SMIM27: variants seen among roughly 807,000 people sequenced by gnomAD.
SMIM27 encodes TOPORS antisense RNA 1 (non-protein coding).
SMIM27 carries 3 observed loss-of-function variants against 1.8 expected under a neutral mutation model. That is an observed-to-expected ratio of 1.65 (90% CI 0.75 to 4.28). The LOEUF (loss-of-function observed/expected upper bound fraction) is 4.28. Among genes scored for constraint, SMIM27 ranks in the 30% most tolerant of loss-of-function variants. The pLI is 0.02. For missense variants in SMIM27, 63 were observed against 37.0 expected (o/e 1.70, Z -1.83); for synonymous variants, 19 against 13.9 (o/e 1.37, Z -0.82).
downstream of SMIM27, among the ~76,000 whole-genome samples, chr9:32,554,259 AAG>A (rs1195851350): frequency 6.6e-6 from 1 of 152,238 alleles, no homozygotes; most frequent in Non-Finnish European, 1.5e-5. Context: ...AGGCCCCAGA[AAG>A]AAGTTGCAAG....
intron 1 of SMIM27, among the ~76,000 whole-genome samples, chr9:32,558,079 T>A (rs1382850123): frequency 1.3e-5 from 2 of 152,072 alleles, no homozygotes; most frequent in Non-Finnish European, 2.9e-5. Flanking sequence ...AATAACTCAT[T>A]TCAAATTAGT....
In SMIM27 at chr9:32,552,826, C is replaced by T. The variant is rs1373943451; in HGVS notation, c.71C>T (p.Ser24Phe). The T allele has an allele frequency of 1.4e-6, 1 of 702,684 alleles. No individual in the cohort carries two copies. The highest frequency in any genetic ancestry group is 2.6e-6 in the Non-Finnish European group (1 of 384,812). 43.5% of individuals were successfully genotyped at this position (702,684 alleles called of 1,614,324 possible). Residue 24 changes from serine to phenylalanine, a missense_variant, in exon 2 of 2, where the codon TCC becomes TTC. Ser to Phe is a radical substitution (Grantham distance 155). Transcript: ENST00000692500. Reference sequence around the variant, plus strand: ...TTGCTGCTTGCCATCGTTTTAATCTCCTGGGGCTGCATCATCTATGCTTCG... The same window carrying T: ...TTGCTGCTTGCCATCGTTTTAATCTTCTGGGGCTGCATCATCTATGCTTCG... The part of the protein sequence containing the change: ...SVLLLAIVLI[S>F]WGCIIYASMV...
chr9:32,562,152 T>C (rs1039387775), intron 1 of SMIM27, among the ~76,000 whole-genome samples: 1 of 152,194 alleles, frequency 6.6e-6, no homozygotes, highest in Non-Finnish European at 1.5e-5. Context: ...ACTGACTCCA[T>C]ATGTTTGCTT....
chr9:32,551,832 T>C, upstream of SMIM27: 1 of 450,746 alleles, frequency 2.2e-6, no homozygotes, highest in Non-Finnish European at 4.5e-6. Context: ...GTATTTCTTC[T>C]TAGAGATATA....
At chr9:32,553,070 G>T (rs1331536575), downstream of SMIM27, 3 of 517,908 alleles carry the variant, frequency 5.8e-6, no homozygotes, top group Non-Finnish European at 1.0e-5. Flanking sequence ...TTCACTTAGA[G>T]ATTTTAGTAT....
chr9:32,566,773 C>T (rs547419995), exon 2 of SMIM27: 11 of 908,584 alleles, frequency 1.2e-5, no homozygotes, highest in African/African-American at 9.8e-5. Context: ...TCGGCTGCGA[C>T]GTTCTGGCTG....
intron 1 of SMIM27, among the ~76,000 whole-genome samples, chr9:32,561,476 T>G (rs555892430): frequency 1.4e-4 from 22 of 152,144 alleles, no homozygotes; most frequent in African/African-American, 5.1e-4. Context: ...TACAGGCACA[T>G]GCCACCAAGC....
downstream of SMIM27, chr9:32,554,014 A>G: frequency 2.1e-6 from 2 of 975,568 alleles, no homozygotes; most frequent in Non-Finnish European, 3.1e-6. Context: ...ATTCTGTTCT[A>G]TGTTCATCAG....
At chr9:32,566,821 G>A (rs899372416) in exon 2 of SMIM27, 1 of 881,478 alleles carries the variant, frequency 1.1e-6, no homozygotes, top group Non-Finnish European at 1.9e-6. Context: ...CTCTGCCTCT[G>A]TGGGGGCCTG....
At chr9:32,566,785 C>T (rs1821804583) in exon 2 of SMIM27, 6 of 915,396 alleles carry the variant, frequency 6.6e-6, no homozygotes, top group Admixed American at 1.7e-5. Context: ...TTCTGGCTGA[C>T]GTTGTACAGG....
At chr9:32,559,116 C>T (rs10813835) in intron 1 of SMIM27, among the ~76,000 whole-genome samples, 79,902 of 151,992 alleles carry the variant, frequency 0.53, 21,603 homozygotes, top group Middle Eastern at 0.67. Flanking sequence ...AGCTATCAAA[C>T]AGGCATCTCA....
intron 1 of SMIM27, chr9:32,566,254 A>C: frequency 9.5e-7 from 1 of 1,049,314 alleles, no homozygotes; most frequent in Non-Finnish European, 1.5e-6. Context: ...ATGGCAGACA[A>C]CACTAATTTT....
downstream of SMIM27, among the ~76,000 whole-genome samples, chr9:32,557,162 C>T (rs1369439921): frequency 6.2e-5 from 8 of 129,228 alleles, no homozygotes; most frequent in African/African-American, 2.1e-4. Flanking sequence ...CTGGCCCCCA[C>T]TTTTTTTTTT....
chr9:32,552,854 G>A lies in SMIM27; in HGVS notation c.99G>A (p.Met33Ile). The A allele has an allele frequency of 2.8e-6, 2 of 702,692 alleles. No individual in the cohort carries two copies. Among genetic ancestry groups the A allele is most frequent in the Non-Finnish European group, 5.2e-6 (2 of 384,822 alleles). The allele number at this position is 702,692 out of a possible 1,614,324, so 43.5% of individuals were successfully genotyped here. A position where few individuals can be genotyped will look rare whatever the true frequency, so the allele number is the denominator to read the frequency against. ...ISWGCIIYAS[M>I]VSARRQLRKK... ...GGGGCTGCATCATCTATGCTTCGAT[G>A]GTGTCTGCAAGACGACAGCTAAGGA... Residue 33 changes from methionine to isoleucine, a missense_variant, in exon 2 of 2, where the codon ATG becomes ATA. Coordinates refer to ENST00000692500, the MANE Select transcript of SMIM27 (RefSeq NM_001387564.1).
Position 32,552,443 on chromosome 9 carries a change from A to G in SMIM27, c.9A>G (p.Pro3=), listed in dbSNP as rs1323190967. The change falls in exon 1 of 2, where the codon CCA becomes CCG. Residue 3 remains proline (P), a synonymous_variant. Coordinates refer to ENST00000692500, the MANE Select transcript of SMIM27 (RefSeq NM_001387564.1). MK[P]VSRRTLDWIY... is the part of the protein sequence containing the mutation. ...GCTGCCGCCTCCTTACCATGAAGCC[A>G]GTAAGTCGTCGCACGCTGGACTGGA... 6.2e-6 allele frequency: 10 copies of G among 1,607,620 alleles called. No homozygotes were observed. The highest frequency in any genetic ancestry group is 8.5e-6 in the Non-Finnish European group (10 of 1,177,474).
intron 1 of SMIM27, among the ~76,000 whole-genome samples, chr9:32,558,010 A>G (rs1821517539): frequency 6.6e-6 from 1 of 152,220 alleles, no homozygotes; most frequent in Admixed American, 6.5e-5. Flanking sequence ...ATGCTAAACA[A>G]TAACCTCACA....
intron 1 of SMIM27, chr9:32,566,149 C>A: frequency 1.5e-6 from 1 of 683,222 alleles, no homozygotes; most frequent in South Asian, 1.6e-5. Context: ...GTGTATATGT[C>A]ACTGGCGCTT....
At chr9:32,552,652 T>G in intron 1 of SMIM27, 149 bp from the exon 2 acceptor site, 1 of 669,332 alleles carries the variant, frequency 1.5e-6, no homozygotes, top group Non-Finnish European at 2.7e-6. Context: ...GCTTCTTACG[T>G]AAGGGCTGCT....
At chr9:32,552,297 G>A, upstream of SMIM27, 1 of 1,293,290 alleles carries the variant, frequency 7.7e-7, no homozygotes, top group Non-Finnish European at 1.1e-6. Context: ...GCCAGCGACA[G>A]CGCTGCACGA....
Sources: gnomAD v4.1 joint callset for allele counts (sites outside exome capture counted in the v4.1 genomes callset) on GRCh38, gnomAD v4.1.1 for gene constraint, MANE v1.5 for transcripts, NCBI Gene and HGNC (gene_info 2026-07-23, HGNC 2026-07-21) for gene names.